Variants in PSME4 observed in about 807,000 individuals in gnomAD.
PSME4 encodes the protein proteasome activator complex subunit 4.
PSME4 carries 89 observed loss-of-function variants against 253.9 expected under a neutral mutation model. That is an observed-to-expected ratio of 0.35 (90% confidence interval 0.30 to 0.42). The LOEUF (loss-of-function observed/expected upper bound fraction) is 0.42, where lower values mean the gene tolerates loss of function less well. PSME4 is among the 10% of genes least tolerant of loss of function. The probability of loss-of-function intolerance (pLI) is 1.00; values close to 1 mark genes in which losing one functional copy is unlikely to be tolerated. For missense variants in PSME4, 2,014 were observed against 2,195.2 expected (o/e 0.92, Z 1.65); for synonymous variants, 851 against 759.2 (o/e 1.12, Z -1.99).
chr2:53,878,993 CA>C (rs1460892926), intron 41 of PSME4, among the ~76,000 whole-genome samples: 2 of 152,144 alleles, frequency 1.3e-5, no homozygotes, highest in African/African-American at 4.8e-5. Context: ...TTTTACGGCT[CA>C]GGGGCATCAA....
chr2:53,916,188 A>C (rs971224367), intron 20 of PSME4, among the ~76,000 whole-genome samples: 1 of 144,238 alleles, frequency 6.9e-6, no homozygotes, highest in Admixed American at 7.4e-5. Context: ...TGGAGGTCGC[A>C]GTGAGCTGAG....
chr2:53,899,565 C>T (rs1461158628), intron 29 of PSME4, among the ~76,000 whole-genome samples: 1 of 151,886 alleles, frequency 6.6e-6, no homozygotes, highest in East Asian at 2.0e-4. Context: ...TGCCTGTAAT[C>T]CCAGCACTTT....
At position 53,895,063 on chromosome 2, in the gene PSME4, A is replaced by G; in HGVS notation, c.3856T>C (p.Tyr1286His). 1.2e-6 allele frequency: 2 copies of G among 1,612,178 alleles called. No individual in the cohort carries two copies. Among genetic ancestry groups the G allele is most frequent in the Non-Finnish European group, 1.7e-6 (2 of 1,179,616 alleles). Residue 1286 changes from tyrosine (Y) to histidine (H), a missense_variant, in exon 34 of 47, where the codon TAT becomes CAT. Around this residue, in one of 4 missense-constraint regions of PSME4, gnomAD observed 989 missense variants for 1,021.1 expected, o/e 0.97. Transcript: ENST00000404125. ...YYTWPKNMVVYAGVEEQPKLG... is the reference protein window; with the variant it reads ...YYTWPKNMVVHAGVEEQPKLG... ...TTAGGCTGCTCTTCCACACCAGCAT[A>G]AACAACCATATTCCTATATAGTAAG...
At chr2:53,957,457 C>G (rs1161071349) in intron 1 of PSME4, among the ~76,000 whole-genome samples, 1 of 152,166 alleles carries the variant, frequency 6.6e-6, no homozygotes, top group East Asian at 1.9e-4. Flanking sequence ...AAGATTCTCA[C>G]AAAGAGCACA....
At chr2:53,894,813 T>A (rs999909058) in intron 34 of PSME4, among the ~76,000 whole-genome samples, 194 bp downstream of exon 34, 2 of 152,070 alleles carry the variant, frequency 1.3e-5, no homozygotes, top group Admixed American at 6.6e-5. Flanking sequence ...TACATCAACA[T>A]CTATGTCAAC....
intron 2 of PSME4, 94 bp downstream of exon 2, chr2:53,949,049 A>T: frequency 7.1e-7 from 1 of 1,401,146 alleles, no homozygotes; most frequent in South Asian, 1.9e-5. Context: ...GCAATTTGAG[A>T]CTTGGTCTTC....
intron 43 of PSME4, among the ~76,000 whole-genome samples, chr2:53,873,185 G>A (rs1182829591): frequency 1.4e-5 from 2 of 144,158 alleles, no homozygotes; most frequent in African/African-American, 5.3e-5. Context: ...AGCTTGCAGT[G>A]AGCTGAGAGC....
Position 53,908,513 on chromosome 2 carries a change from T to G in PSME4, c.2682A>C (p.Ile894=). The stretch of plus-strand genomic sequence containing the variant: ...AACTATCAAATGACAAATGTACCTT[T>G]ATAATAAGAAACAATGACTTAGTAT... ...EDDTKSLFLI[I]KIIGDLLQFQ... Residue 894 remains isoleucine, a synonymous_variant, in exon 23 of 47, where the codon ATA becomes ATC. Coordinates refer to ENST00000404125, the MANE Select transcript of PSME4 (RefSeq NM_014614.3). The G allele has an allele frequency of 6.2e-7, 1 of 1,610,290 alleles. No individual in the cohort carries two copies. The highest frequency in any genetic ancestry group is 8.5e-7 in the Non-Finnish European group (1 of 1,178,102).
chr2:53,903,983 G>T, intron 27 of PSME4, 42 bp downstream of exon 27: 1 of 1,518,936 alleles, frequency 6.6e-7, no homozygotes, highest in Non-Finnish European at 9.0e-7. Context: ...TTTTCAGTAT[G>T]TTTGAAAATG....
intron 1 of PSME4, among the ~76,000 whole-genome samples, chr2:53,953,586 A>G (rs915064432): frequency 4.0e-5 from 6 of 149,630 alleles, no homozygotes; most frequent in Non-Finnish European, 7.4e-5. Flanking sequence ...ATTAAATCTC[A>G]GTAAAGCTGT....
chr2:53,906,910 A>T, intron 24 of PSME4, 42 bp from the exon 25 acceptor site: 1 of 1,579,926 alleles, frequency 6.3e-7, no homozygotes, highest in South Asian at 1.1e-5. Flanking sequence ...CATTTTCCCT[A>T]AATGACTTCA....
Position 53,899,951 on chromosome 2 carries a change from T to G in PSME4, c.3352A>C (p.Ile1118Leu). The part of the protein sequence containing the change: ...QQSKNPSINQ[I>L]LLSPEKIKEG... ...TTAATTTTTTCTGGGCTAAGCAATA[T>G]CTGGTTGATAGAGGGGTTTTTTGAC... Residue 1118 changes from isoleucine (I) to leucine (L), a missense_variant, in exon 29 of 47, where the codon ATA (isoleucine) becomes CTA (leucine). Transcript: ENST00000404125. 2.5e-6 allele frequency: 4 copies of G among 1,613,424 alleles called. No homozygotes were observed. Among genetic ancestry groups the G allele is most frequent in the Non-Finnish European group, 2.5e-6 (3 of 1,179,368 alleles).
At chr2:53,962,469 T>C (rs1347338734) in intron 1 of PSME4, among the ~76,000 whole-genome samples, 1 of 151,980 alleles carries the variant, frequency 6.6e-6, no homozygotes, top group Admixed American at 6.6e-5. Flanking sequence ...TACAATTTTA[T>C]TTTACAACAC....
At chr2:53,890,863 C>T (rs1173512303) in intron 36 of PSME4, among the ~76,000 whole-genome samples, 1 of 151,550 alleles carries the variant, frequency 6.6e-6, no homozygotes, top group African/African-American at 2.4e-5. Context: ...CATGTCTCTA[C>T]AAAAAAAATA....
At chr2:53,911,845 T>C (rs1667841297) in intron 20 of PSME4, among the ~76,000 whole-genome samples, 1 of 152,218 alleles carries the variant, frequency 6.6e-6, no homozygotes, top group African/African-American at 2.4e-5. Flanking sequence ...TAGTTTTTAC[T>C]ATATCTAAAA....
chr2:53,927,388 C>G lies in PSME4; in HGVS notation c.1593+6G>C. On this transcript the variant is annotated splice_donor_region_variant and intron_variant, in intron 12 of 46. Coordinates refer to ENST00000404125, the MANE Select transcript of PSME4 (RefSeq NM_014614.3). ...TAGCCCTTTTATAACCATAAAATAC[C>G]CTTACTTCTGTGAGGTCATTTCTTT... 6.5e-7 allele frequency: 1 copy of G among 1,535,156 alleles called. No homozygotes were observed. The highest frequency in any genetic ancestry group is 9.0e-7 in the Non-Finnish European group (1 of 1,108,608).
intron 1 of PSME4, among the ~76,000 whole-genome samples, chr2:53,951,538 CA>C (rs1334479399): frequency 6.6e-6 from 1 of 152,176 alleles, no homozygotes; most frequent in Non-Finnish European, 1.5e-5. Context: ...CCCATGATCT[CA>C]CATTAGTACT....
At chr2:53,885,536 C>T (rs1679596764) in intron 41 of PSME4, among the ~76,000 whole-genome samples, 154 bp downstream of exon 41, 1 of 152,134 alleles carries the variant, frequency 6.6e-6, no homozygotes, top group African/African-American at 2.4e-5. Flanking sequence ...AATATTAAAC[C>T]ACTATCACCT....
At chr2:53,895,533 G>A (rs2104429828) in intron 33 of PSME4, 50 bp downstream of exon 33, 2 of 1,527,906 alleles carry the variant, frequency 1.3e-6, no homozygotes, top group Non-Finnish European at 1.8e-6. Context: ...ATATGATAAA[G>A]CAGTTATATC....
Sources: allele counts gnomAD v4.1 joint callset (sites outside exome capture counted in the v4.1 genomes callset), GRCh38; gene constraint gnomAD v4.1.1; regional missense constraint gnomAD v4.1.1; transcripts MANE v1.5; gene names NCBI Gene and HGNC (gene_info 2026-07-23, HGNC 2026-07-21).